The following CNTN5 variants were observed in gnomAD, a reference collection of about 807,000 sequenced individuals.
CNTN5 encodes the protein contactin-5.
In CNTN5, 77 loss-of-function variants were observed where a neutral mutation model predicts 129.1. That is an observed-to-expected ratio of 0.60 (90% CI 0.50 to 0.72). The LOEUF is 0.72. Ranked by LOEUF, CNTN5 falls within the 30% of genes least tolerant of loss-of-function variation. The probability of loss-of-function intolerance (pLI) is 0.00; values close to 1 mark genes in which losing one functional copy is unlikely to be tolerated. For missense variants in CNTN5, 1,478 were observed against 1,328.8 expected (o/e 1.11, Z -1.75); for synonymous variants, 509 against 465.6 (o/e 1.09, Z -1.20).
At chr11:99,945,454 A>C (rs995752737) in intron 7 of CNTN5, among the ~76,000 whole-genome samples, 2 of 150,224 alleles carry the variant, frequency 1.3e-5, no homozygotes, top group African/African-American at 4.9e-5. Flanking sequence ...GATTCTGCAT[A>C]GAAGGTAAAC....
At chr11:100,001,962 G>T in intron 8 of CNTN5, 72 bp from the exon 9 acceptor site, 1 of 1,071,442 alleles carries the variant, frequency 9.3e-7, no homozygotes, top group Non-Finnish European at 1.3e-6. Context: ...GATTTTCAAT[G>T]TAACATCTCC....
intron 2 of CNTN5, among the ~76,000 whole-genome samples, chr11:99,414,480 T>C (rs551870764): frequency 5.9e-5 from 9 of 151,876 alleles, no homozygotes; most frequent in African/African-American, 2.2e-4. Context: ...ATATATAGAA[T>C]ATATATGTAT....
intron 8 of CNTN5, among the ~76,000 whole-genome samples, chr11:99,985,730 C>T (rs1938630001): frequency 6.6e-6 from 1 of 152,292 alleles, no homozygotes; most frequent in African/African-American, 2.4e-5. Context: ...GTAAAGCATT[C>T]ATGACATCCT....
intron 15 of CNTN5, among the ~76,000 whole-genome samples, chr11:100,223,945 C>T (rs1031465823): frequency 1.3e-5 from 2 of 152,196 alleles, no homozygotes; most frequent in African/African-American, 4.8e-5. Context: ...ATAGGAACAT[C>T]ACCTATCCCA....
chr11:100,248,391 A>T (rs1229508916), intron 16 of CNTN5, among the ~76,000 whole-genome samples: 2 of 151,882 alleles, frequency 1.3e-5, no homozygotes, highest in East Asian at 1.9e-4. Flanking sequence ...TAAAAAAATT[A>T]AAAAATTAGC....
intron 13 of CNTN5, among the ~76,000 whole-genome samples, chr11:100,154,697 T>A (rs1947178577): frequency 6.6e-6 from 1 of 152,166 alleles, no homozygotes; most frequent in Non-Finnish European, 1.5e-5. Flanking sequence ...GTTTCCTGAC[T>A]TTTTAATGAT....
At chr11:99,780,029 T>G (rs1945257806) in intron 3 of CNTN5, among the ~76,000 whole-genome samples, 1 of 151,982 alleles carries the variant, frequency 6.6e-6, no homozygotes, top group Non-Finnish European at 1.5e-5. Flanking sequence ...AGCATGTTGT[T>G]GTTCAGCATA....
At position 99,819,779 on chromosome 11, in the gene CNTN5, G is replaced by A. The variant is rs202015486; in HGVS notation, c.277+14G>A. On this transcript the variant is annotated intron_variant, in intron 4 of 24. Coordinates refer to ENST00000524871, the MANE Select transcript of CNTN5 (RefSeq NM_014361.4). ...TCAAACAAGATGGTAAGTGTCAAAG[G>A]AAAATGGCTCCAGATAGAATAAAGG... 1 of 131,098 alleles carries A rather than the reference G, an allele frequency of 7.6e-6. No individual in the cohort carries two copies. The highest frequency in any genetic ancestry group is 1.2e-4 in the Admixed American group (1 of 8,402). 8.1% of individuals were successfully genotyped at this position (131,098 alleles called of 1,614,324 possible).
At chr11:99,198,253 G>A (rs144187182) in intron 1 of CNTN5, among the ~76,000 whole-genome samples, 3 of 152,224 alleles carry the variant, frequency 2.0e-5, no homozygotes, top group African/African-American at 7.2e-5. Flanking sequence ...AGAAACAACT[G>A]TCATATGGGA....
intron 17 of CNTN5, among the ~76,000 whole-genome samples, chr11:100,269,195 G>C (rs1368480136): frequency 6.6e-6 from 1 of 152,200 alleles, no homozygotes; most frequent in Non-Finnish European, 1.5e-5. Context: ...GATGATGATA[G>C]TTCAAGTGAG....
rs114037596 is a variant in CNTN5, at chr11:99,352,745, C to A, written c.-71+27261C>A. Among the ~76,000 whole-genome samples, 988 of 152,236 alleles carry A rather than the reference C, an allele frequency of 6.5e-3. 11 individuals are homozygous for A. Among genetic ancestry groups the A allele is most frequent in the African/African-American group, 0.023 (949 of 41,534 alleles). On this transcript the variant is annotated intron_variant, in intron 2 of 24. Coordinates refer to ENST00000524871, the MANE Select transcript of CNTN5 (RefSeq NM_014361.4). ...TATTCCTTTCCAAGATTGTCTGGGA[C>A]AAGGTGGGAGCTTATATAACCTTGT...
At position 99,675,883 on chromosome 11, in the gene CNTN5, T is replaced by C. The variant is rs1953259489; in HGVS notation, c.55+119614T>C. ...TCATTTCCTTGCAAAAAGGAAACAA[T>C]TGTATCTGACTTGTTACTCTCTAGA... On this transcript the variant is annotated intron_variant, in intron 3 of 24. Coordinates refer to ENST00000524871, the MANE Select transcript of CNTN5 (RefSeq NM_014361.4). 2.0e-5 allele frequency among the ~76,000 whole-genome samples: 3 copies of C among 152,132 alleles called. No homozygotes were observed. In the South Asian group the frequency reaches 6.2e-4, roughly 32 times the overall value.
rs11223143 is a variant in CNTN5, at chr11:100,187,197, T to C, written c.1581-3929T>C. Reference sequence around the variant, plus strand: ...ATGTTCTTCATTTCACTCTTGCTTGTTGTGTATAGAAATGCTGTTGAGTTT... The same window carrying C: ...ATGTTCTTCATTTCACTCTTGCTTGCTGTGTATAGAAATGCTGTTGAGTTT... On this transcript the variant is annotated intron_variant, in intron 13 of 24. Transcript: ENST00000524871. Among the ~76,000 whole-genome samples the C allele has an allele frequency of 4.0e-3, 605 of 152,296 alleles. 29 individuals are homozygous for C. In the East Asian group the frequency reaches 0.1, roughly 25 times the overall value.
At chr11:100,317,659 A>G (rs1951596246) in intron 21 of CNTN5, among the ~76,000 whole-genome samples, 1 of 152,204 alleles carries the variant, frequency 6.6e-6, no homozygotes, top group Non-Finnish European at 1.5e-5. Context: ...TCAAAAGCAA[A>G]TTGAAGTAAT....
At chr11:99,939,835 T>A (rs962905234) in intron 7 of CNTN5, among the ~76,000 whole-genome samples, 23 of 152,276 alleles carry the variant, frequency 1.5e-4, no homozygotes, top group African/African-American at 5.3e-4. Flanking sequence ...TCTATATGTT[T>A]GTGTTATGGA....
intron 9 of CNTN5, among the ~76,000 whole-genome samples, chr11:100,059,080 G>A (rs772068703): frequency 2.6e-5 from 4 of 152,232 alleles, no homozygotes; most frequent in Non-Finnish European, 5.9e-5. Context: ...TAAATCAGTG[G>A]AACAGAATTG....
At chr11:99,943,153 T>C (rs902735730) in intron 7 of CNTN5, among the ~76,000 whole-genome samples, 12 of 152,204 alleles carry the variant, frequency 7.9e-5, no homozygotes, top group African/African-American at 2.4e-4. Context: ...TTCCCTCCAG[T>C]AGGTTAAAAG....
chr11:99,244,404 G>T (rs1362730467), intron 1 of CNTN5, among the ~76,000 whole-genome samples: 1 of 152,092 alleles, frequency 6.6e-6, no homozygotes, highest in Non-Finnish European at 1.5e-5. Flanking sequence ...ATTCATTGGT[G>T]TAACCCCAGA....
At chr11:99,245,933 A>T (rs1861791497) in intron 1 of CNTN5, among the ~76,000 whole-genome samples, 1 of 152,196 alleles carries the variant, frequency 6.6e-6, no homozygotes, top group African/African-American at 2.4e-5. Flanking sequence ...TTCCTGGAAG[A>T]CAAAATCATC....
Sources: allele counts gnomAD v4.1 joint callset (sites outside exome capture counted in the v4.1 genomes callset), GRCh38; gene constraint gnomAD v4.1.1; transcripts MANE v1.5; gene names NCBI Gene and HGNC (gene_info 2026-07-23, HGNC 2026-07-21).